Variants in FAM53A observed in about 807,000 individuals in gnomAD.
The protein encoded by FAM53A is protein FAM53A.
Under a neutral mutation model 26.6 loss-of-function variants are expected in FAM53A, and 28 were observed. The observed-to-expected ratio is 1.05, with a 90% CI of 0.78 to 1.45. The LOEUF is 1.45. Ranked by LOEUF, FAM53A falls within the 40% of genes most tolerant of loss-of-function variation. The pLI is 0.00. For synonymous variants in FAM53A, 290 were observed against 253.1 expected (o/e 1.15, Z -1.38); for missense variants, 650 against 575.8 (o/e 1.13, Z -1.32).
chr4:1,595,680 G>C, the FAM53A span, among the ~76,000 whole-genome samples: 7 of 152,214 alleles, frequency 4.6e-5, no homozygotes, highest in Admixed American at 4.6e-4. Flanking sequence ...CCAGCACCGC[G>C]GGAAGCGCCA....
In FAM53A at chr4:1,641,411, G is replaced by A; in HGVS notation, c.1079C>T (p.Thr360Ile). ...GCTGCTCCTGCGGGAGCCATCACTGGTCACCGACTCCCTAGAGGCCCACAG... is the reference window on the plus strand; with the variant it reads ...GCTGCTCCTGCGGGAGCCATCACTGATCACCGACTCCCTAGAGGCCCACAG... Reference protein sequence around the residue: ...PNLWASRESVTSDGSRRSSGD... With the variant: ...PNLWASRESVISDGSRRSSGD... Residue 360 changes from threonine (T) to isoleucine (I), a missense_variant, in exon 5 of 5, where the codon ACC becomes ATC. By Grantham distance (89) the Thr-to-Ile change is moderately conservative. Coordinates refer to ENST00000308132, the MANE Select transcript of FAM53A (RefSeq NM_001174070.3). 6.2e-7 allele frequency: 1 copy of A among 1,611,726 alleles called. No homozygotes were observed.
chr4:1,670,068 C>T lies in FAM53A; in HGVS notation c.-164-1163G>A, dbSNP rs942151854. 7.2e-5 allele frequency among the ~76,000 whole-genome samples: 11 copies of T among 152,210 alleles called. No homozygotes were observed. In the South Asian group the frequency reaches 1.4e-3, roughly 20 times the overall value. On this transcript the variant is annotated intron_variant, in intron 1 of 4. Transcript: ENST00000308132. ...GAGCATCTGCCCCAAAAGCCTGGCA[C>T]GTGGGAGCCACGTGAGCCGCCCCAT... is the stretch of plus-strand genomic sequence containing the variant.
At chr4:1,657,324 T>C (rs1296180468) in intron 3 of FAM53A, 84 bp downstream of exon 3, 1 of 1,272,688 alleles carries the variant, frequency 7.9e-7, no homozygotes, top group Non-Finnish European at 1.1e-6. Context: ...ATCCGGCTCA[T>C]GTTCTGCGTC....
chr4:1,661,455 C>T (rs1307487837), intron 2 of FAM53A, among the ~76,000 whole-genome samples: 1 of 152,242 alleles, frequency 6.6e-6, no homozygotes, highest in Non-Finnish European at 1.5e-5. Context: ...TAACCCAGCA[C>T]AGCCAGTGCA....
chr4:1,655,019 T>A lies in FAM53A; in HGVS notation c.841A>T (p.Arg281Trp), dbSNP rs1445576061. Reference sequence around the variant, plus strand: ...AAGTCCAAGGATGGGCGTGTCCACCTGGCGTCCTCCTCACGCCTCCGTTTG... The same window carrying A: ...AAGTCCAAGGATGGGCGTGTCCACCAGGCGTCCTCCTCACGCCTCCGTTTG... Reference protein sequence around the residue: ...RRKRRREEDARWTRPSLDFLK... With the variant: ...RRKRRREEDAWWTRPSLDFLK... Residue 281 changes from arginine to tryptophan, a missense_variant, in exon 4 of 5, where the codon AGG (arginine) becomes TGG (tryptophan). Coordinates refer to ENST00000308132, the MANE Select transcript of FAM53A (RefSeq NM_001174070.3). 1.9e-6 allele frequency: 3 copies of A among 1,558,494 alleles called. No individual in the cohort carries two copies. The highest frequency in any genetic ancestry group is 2.6e-6 in the Non-Finnish European group (3 of 1,153,320).
At chr4:1,618,213 G>C in intron 1 of FAM53A, 1 of 452,850 alleles carries the variant, frequency 2.2e-6, no homozygotes, top group South Asian at 1.6e-5. Context: ...GGCTGGCCTT[G>C]AGCCCGAAGG....
intron 1 of FAM53A, among the ~76,000 whole-genome samples, chr4:1,620,270 C>T (rs762972220): frequency 1.3e-5 from 2 of 151,806 alleles, no homozygotes; most frequent in African/African-American, 2.4e-5. Flanking sequence ...CATCTTATTT[C>T]CCATAACAGA....
At chr4:1,601,360 A>G in the FAM53A span, among the ~76,000 whole-genome samples, 4 of 112,560 alleles carry the variant, frequency 3.6e-5, 1 homozygote, top group African/African-American at 1.1e-4. Flanking sequence ...TTCCGGACAC[A>G]CCACCCTCAA....
Position 1,651,367 on chromosome 4 carries a change from A to AT in FAM53A, c.882+3610dup, listed in dbSNP as rs577925882. Among the ~76,000 whole-genome samples the AT allele has an allele frequency of 6.1e-3, 921 of 152,138 alleles. 6 individuals carry two copies. The highest frequency in any genetic ancestry group is 8.8e-3 in the Non-Finnish European group (595 of 67,986). On this transcript the variant is annotated intron_variant, in intron 4 of 4. Transcript: ENST00000308132. ...GACAACATGGTAAAATCCTATCTCTATTAAAAATACAAATATTAGCCAAGC... is the reference window on the plus strand; with the variant it reads ...GACAACATGGTAAAATCCTATCTCTATTTAAAAATACAAATATTAGCCAAGC...
chr4:1,581,295 T>A, the FAM53A span, among the ~76,000 whole-genome samples: 1 of 151,776 alleles, frequency 6.6e-6, no homozygotes, highest in East Asian at 1.9e-4. Context: ...GGGCCCCGCC[T>A]GCGGCCCAGG....
rs2108837377 is a variant in FAM53A, at chr4:1,646,248, C to T, written c.883-4641G>A. Among the ~76,000 whole-genome samples the T allele has an allele frequency of 2.0e-5, 3 of 152,228 alleles. 1 individual carries two copies. In the East Asian group the frequency reaches 5.8e-4, roughly 29 times the overall value. The stretch of plus-strand genomic sequence containing the variant: ...CCCAAGTAGCTGGGAATACAGGCGT[C>T]CGCCACCATGCCGGCTAATTTTTTG... On this transcript the variant is annotated intron_variant, in intron 4 of 4. Coordinates refer to ENST00000308132, the MANE Select transcript of FAM53A (RefSeq NM_001174070.3).
At chr4:1,657,534 T>A (rs935599071) in intron 2 of FAM53A, 66 bp from the exon 3 acceptor site, 1 of 1,317,516 alleles carries the variant, frequency 7.6e-7, no homozygotes, top group African/African-American at 1.5e-5. Flanking sequence ...ATATCCCCCA[T>A]TTTCATCACT....
intron 4 of FAM53A, among the ~76,000 whole-genome samples, chr4:1,643,918 G>C (rs1204250985): frequency 1.3e-5 from 2 of 152,198 alleles, no homozygotes; most frequent in East Asian, 3.8e-4. Flanking sequence ...TCACAAAATA[G>C]GGATGCATAA....
intron 2 of FAM53A, among the ~76,000 whole-genome samples, chr4:1,667,582 C>T (rs375212375): frequency 7.2e-5 from 11 of 152,304 alleles, no homozygotes; most frequent in South Asian, 2.1e-4. Context: ...CGCCAGCTCT[C>T]GGGAGGAGAG....
intron 2 of FAM53A, among the ~76,000 whole-genome samples, chr4:1,665,732 C>T (rs1714175213): frequency 6.6e-6 from 1 of 152,134 alleles, no homozygotes; most frequent in Admixed American, 6.5e-5. Flanking sequence ...CCCTGTAGGG[C>T]TCCCAGGGCT....
At chr4:1,651,950 G>GAC (rs376094115) in intron 4 of FAM53A, among the ~76,000 whole-genome samples, 39 of 148,644 alleles carry the variant, frequency 2.6e-4, no homozygotes, top group African/African-American at 8.9e-4. Flanking sequence ...CTATGCATCA[G>GAC]ACACACACAC....
intron 4 of FAM53A, among the ~76,000 whole-genome samples, chr4:1,643,778 GC>G (rs1308120748): frequency 6.6e-6 from 1 of 151,814 alleles, no homozygotes; most frequent in Non-Finnish European, 1.5e-5. Context: ...TGTTGACCAG[GC>G]TGGTCTCAAA....
chr4:1,675,590 G>C (rs115634566), intron 1 of FAM53A, among the ~76,000 whole-genome samples: 1,914 of 152,196 alleles, frequency 0.013, 29 homozygotes, highest in Middle Eastern at 0.024. Flanking sequence ...ACAACCCCAG[G>C]AGGTTTCCCT....
At chr4:1,679,814 C>T (rs983097286) in intron 1 of FAM53A, among the ~76,000 whole-genome samples, 6 of 151,764 alleles carry the variant, frequency 4.0e-5, no homozygotes, top group African/African-American at 1.5e-4. Flanking sequence ...TTTGGGAGAC[C>T]GAGGCGGGTG....
Sources: allele counts gnomAD v4.1 joint callset (sites outside exome capture counted in the v4.1 genomes callset), GRCh38; gene constraint gnomAD v4.1.1; transcripts MANE v1.5; gene names NCBI Gene and HGNC (gene_info 2026-07-23, HGNC 2026-07-21).